DPYSL2: variants seen among roughly 807,000 people sequenced by gnomAD.
The protein encoded by DPYSL2 is dihydropyrimidinase like 2.
A neutral mutation model predicts 69.9 loss-of-function variants in DPYSL2; 13 were observed. That is an observed-to-expected ratio of 0.19 (90% CI 0.12 to 0.30). The LOEUF is 0.30. DPYSL2 is among the 10% of genes least tolerant of loss of function. The pLI is 1.00. For synonymous variants in DPYSL2, 326 were observed against 359.1 expected, an observed-to-expected ratio of 0.91 and a Z score of 1.04; for missense variants, 587 against 918.9, an observed-to-expected ratio of 0.64 and a Z score of 4.67.
rs1461638775 is a variant in DPYSL2 at position 26,656,683 on chromosome 8, C to T, written c.*977C>T. The T allele has an allele frequency of 6.5e-6, 1 of 152,696 alleles. No homozygotes were observed. The highest frequency in any genetic ancestry group is 1.5e-5 in the Non-Finnish European group (1 of 68,088). 9.5% of individuals were successfully genotyped at this position (152,696 alleles called of 1,614,324 possible). ...TGCCATTGCAAGCATAGTGCTGTGT[C>T]ATCCTGGTCCATGTAGGACTGGTGC... is the stretch of plus-strand genomic sequence containing the variant. On this transcript the variant is annotated 3_prime_UTR_variant, in exon 14 of 14. Coordinates refer to ENST00000521913, the MANE Select transcript of DPYSL2 (RefSeq NM_001197293.3).
At chr8:26,579,249 C>G (rs1185697481) in intron 1 of DPYSL2, among the ~76,000 whole-genome samples, 1 of 152,232 alleles carries the variant, frequency 6.6e-6, no homozygotes, top group African/African-American at 2.4e-5. Flanking sequence ...ACGGGGAAAA[C>G]GTCTGTGCCG....
At chr8:26,523,182 A>G (rs1808418618) in intron 1 of DPYSL2, among the ~76,000 whole-genome samples, 1 of 151,506 alleles carries the variant, frequency 6.6e-6, no homozygotes, top group Non-Finnish European at 1.5e-5. Flanking sequence ...TTTAAATAAT[A>G]TTTAAAATTT....
At chr8:26,520,416 T>C (rs1325511664) in intron 1 of DPYSL2, among the ~76,000 whole-genome samples, 1 of 152,032 alleles carries the variant, frequency 6.6e-6, no homozygotes, top group African/African-American at 2.4e-5. Flanking sequence ...TGATATTAAT[T>C]ATTTTTTCTC....
At chr8:26,631,866 A>G (rs1341789758) in intron 7 of DPYSL2, among the ~76,000 whole-genome samples, 1 of 152,156 alleles carries the variant, frequency 6.6e-6, no homozygotes, top group Admixed American at 6.5e-5. Flanking sequence ...TCTCATGGTG[A>G]GTTTGTCAAG....
chr8:26,594,372 C>G (rs979451677), intron 3 of DPYSL2, among the ~76,000 whole-genome samples: 4 of 152,178 alleles, frequency 2.6e-5, no homozygotes, highest in African/African-American at 9.6e-5. Flanking sequence ...ATATATTTAT[C>G]TATCTAGCAT....
At position 26,533,376 on chromosome 8, in the gene DPYSL2, T is replaced by C. The variant is rs964450379; in HGVS notation, c.354+18697T>C. On this transcript the variant is annotated intron_variant, in intron 1 of 13. Transcript: ENST00000521913. This position sits in a 1 kb window ranked among gnomAD's most constrained non-coding sequence, Gnocchi z 4.8. ...GAATGCTTTTAATTTTGACAAAGTG[T>C]AACTTATCTATCTTTTCTTTTGTTG... 6.6e-6 allele frequency among the ~76,000 whole-genome samples: 1 copy of C among 152,244 alleles called. No individual in the cohort carries two copies. Among genetic ancestry groups the C allele is most frequent in the Non-Finnish European group, 1.5e-5 (1 of 68,050 alleles).
rs1373523551 is a variant in DPYSL2 at position 26,648,712 on chromosome 8, C to T, written c.1596+912C>T. Among the ~76,000 whole-genome samples, 2 of 152,226 alleles carry T rather than the reference C, an allele frequency of 1.3e-5. No homozygotes were observed. Among genetic ancestry groups the T allele is most frequent in the Non-Finnish European group, 1.5e-5 (1 of 68,042 alleles). On this transcript the variant is annotated intron_variant, in intron 11 of 13. Coordinates refer to ENST00000521913, the MANE Select transcript of DPYSL2 (RefSeq NM_001197293.3). This position sits in a 1 kb window ranked among gnomAD's most constrained non-coding sequence, Gnocchi z 4.3. The stretch of plus-strand genomic sequence containing the variant: ...GCACTGACACCTCCCCCACACACCA[C>T]GACAGCTTAGGGCAGGTTTCTGGCA...
intron 1 of DPYSL2, among the ~76,000 whole-genome samples, chr8:26,524,497 C>G (rs1350759571): frequency 6.6e-6 from 1 of 151,860 alleles, no homozygotes; most frequent in Non-Finnish European, 1.5e-5. Context: ...GCTTTAAATT[C>G]CCATTAAAAA....
intron 2 of DPYSL2, among the ~76,000 whole-genome samples, chr8:26,583,488 A>G (rs1801533270): frequency 6.6e-6 from 1 of 152,264 alleles, no homozygotes; most frequent in Admixed American, 6.5e-5. Context: ...TGCTGTAAAG[A>G]AAGTTTAATG....
In DPYSL2 at chr8:26,626,482, AACACACACACACACACACACAC is replaced by A. The variant is rs58931747; in HGVS notation, c.794-116_794-95del. 122 of 547,498 alleles carry A rather than the reference AACACACACACACACACACACAC, an allele frequency of 2.2e-4. No homozygotes were observed. The highest frequency in any genetic ancestry group is 2.2e-3 in the African/African-American group (109 of 50,314). 33.9% of individuals were successfully genotyped at this position (547,498 alleles called of 1,614,324 possible). ...TCTCCTCTCTCTTTCTCTGTACTGA[AACACACACACACACACACACAC>A]ACACACACACACACACACGTACACA... On this transcript the variant is annotated intron_variant, in intron 4 of 13. Transcript: ENST00000521913. The surrounding 1 kb of genome is among the most constrained non-coding windows in gnomAD (Gnocchi z 4.3).
At chr8:26,604,750 C>T (rs1802072471) in intron 3 of DPYSL2, among the ~76,000 whole-genome samples, 1 of 152,028 alleles carries the variant, frequency 6.6e-6, no homozygotes, top group African/African-American at 2.4e-5. Context: ...ACCTCTCCTC[C>T]TCCGGGGTTC....
chr8:26,640,917 T>A lies in DPYSL2; in HGVS notation c.1127-2522T>A, dbSNP rs1803025977. ...TTGAGAGCTCAGACCCCATTTTGGG[T>A]TTTCTAGAGGCAGAAGGCCAAGTTC... On this transcript the variant is annotated intron_variant, in intron 8 of 13. Transcript: ENST00000521913. The surrounding 1 kb of genome is among the most constrained non-coding windows in gnomAD (Gnocchi z 4.2). Among the ~76,000 whole-genome samples the A allele has an allele frequency of 6.6e-6, 1 of 151,942 alleles. No homozygotes were observed. The highest frequency in any genetic ancestry group is 2.4e-5 in the African/African-American group (1 of 41,368).
In DPYSL2 at chr8:26,581,858, AT is replaced by A. The variant is rs1255488593; in HGVS notation, c.355-107del. 4 of 852,552 alleles carry A rather than the reference AT, an allele frequency of 4.7e-6. No individual in the cohort carries two copies. In the East Asian group the frequency reaches 1.0e-4, roughly 22 times the overall value. 52.8% of individuals were successfully genotyped at this position (852,552 alleles called of 1,614,324 possible). On this transcript the variant is annotated intron_variant, in intron 1 of 13. Coordinates refer to ENST00000521913, the MANE Select transcript of DPYSL2 (RefSeq NM_001197293.3). ...CACTGAACCTTTCCAAAATGGGCTT[AT>A]TTTGAACATCACTTTTGAACAGTGA...
At position 26,643,749 on chromosome 8, in the gene DPYSL2, G is replaced by C; in HGVS notation, c.1283+154G>C. ...GTTGGCTACATGAGTACAGGGAATT[G>C]TCATTCTAGCACCATTTTGGGAGGG... On this transcript the variant is annotated intron_variant, in intron 9 of 13. Coordinates refer to ENST00000521913, the MANE Select transcript of DPYSL2 (RefSeq NM_001197293.3). This position sits in a 1 kb window ranked among gnomAD's most constrained non-coding sequence, Gnocchi z 6.5. 7.8e-7 allele frequency: 1 copy of C among 1,281,318 alleles called. No homozygotes were observed. Among genetic ancestry groups the C allele is most frequent in the Non-Finnish European group, 1.1e-6 (1 of 923,998 alleles). The allele number at this position is 1,281,318 out of a possible 1,614,324, so 79.4% of individuals were successfully genotyped here.
chr8:26,584,046 A>G (rs408753), intron 3 of DPYSL2, 63 bp downstream of exon 3: 506,915 of 1,510,950 alleles, frequency 0.34, 89,878 homozygotes, highest in African/African-American at 0.6. Flanking sequence ...AAATAAGTCT[A>G]TTGTTTGATT....
At chr8:26,535,635 A>ATATAT (rs1484035216) in intron 1 of DPYSL2, among the ~76,000 whole-genome samples, 1 of 145,872 alleles carries the variant, frequency 6.9e-6, no homozygotes, top group African/African-American at 2.7e-5. Context: ...ATATATATAT[A>ATATAT]TTTTTTTTTT....
chr8:26,652,466 G>C lies in DPYSL2; in HGVS notation c.1776+30G>C, dbSNP rs1423895123. The stretch of plus-strand genomic sequence containing the variant: ...GTAGTTTTGTTCTGATGAATTTTTT[G>C]TTAAATCACGAATTAAGTTCAAGGC... On this transcript the variant is annotated intron_variant, in intron 12 of 13. Transcript: ENST00000521913. This position sits in a 1 kb window ranked among gnomAD's most constrained non-coding sequence, Gnocchi z 6.3. 1 of 1,573,594 alleles carries C rather than the reference G, an allele frequency of 6.4e-7. No individual in the cohort carries two copies. The highest frequency in any genetic ancestry group is 1.8e-5 in the Admixed American group (1 of 54,712).
Position 26,643,707 on chromosome 8 carries a change from C to T in DPYSL2, c.1283+112C>T, listed in dbSNP as rs1803102441. Reference sequence around the variant, plus strand: ...AGAGCAGCCATAAAACTGGGAGACCCTTGTTCACCAAACTAGGTTGGCTAC... The same window carrying T: ...AGAGCAGCCATAAAACTGGGAGACCTTTGTTCACCAAACTAGGTTGGCTAC... On this transcript the variant is annotated intron_variant, in intron 9 of 13. Transcript: ENST00000521913. The surrounding 1 kb of genome is among the most constrained non-coding windows in gnomAD (Gnocchi z 6.5). The T allele has an allele frequency of 6.1e-6, 9 of 1,484,106 alleles. No homozygotes were observed. The South Asian group carries it at 1.1e-4, about 18-fold the overall frequency. 91.9% of individuals were successfully genotyped at this position (1,484,106 alleles called of 1,614,324 possible).
intron 1 of DPYSL2, among the ~76,000 whole-genome samples, chr8:26,568,474 G>C (rs971155785): frequency 1.3e-5 from 2 of 152,148 alleles, no homozygotes; most frequent in African/African-American, 4.8e-5. Flanking sequence ...ACAGGGTGGG[G>C]GAGTAAGGAG....
Sources: allele counts gnomAD v4.1 joint callset (sites outside exome capture counted in the v4.1 genomes callset), GRCh38; gene constraint gnomAD v4.1.1; non-coding constraint Gnocchi (gnomAD v3.1); transcripts MANE v1.5; gene names NCBI Gene and HGNC (gene_info 2026-07-23, HGNC 2026-07-21).